Variants in AGBL4 observed in about 807,000 individuals in gnomAD.
AGBL4 encodes cytosolic carboxypeptidase 6.
Under a neutral mutation model 66.4 loss-of-function variants are expected in AGBL4, and 58 were observed. The observed-to-expected ratio is 0.87, with a 90% CI of 0.71 to 1.09. The LOEUF is 1.09. AGBL4 is among the 50% of genes least tolerant of loss of function. The pLI is 0.00. For missense variants in AGBL4, 579 were observed against 631.0 expected, an observed-to-expected ratio of 0.92 and a Z score of 0.88; for synonymous variants, 234 against 222.9, an observed-to-expected ratio of 1.05 and a Z score of -0.44.
intron 6 of AGBL4, chr1:48,742,917 G>C (rs1208118475): frequency 1.4e-6 from 1 of 703,734 alleles, no homozygotes; most frequent in African/African-American, 1.8e-5. Flanking sequence ...ACCCAGACTC[G>C]AAAATAATGT....
intron 4 of AGBL4, among the ~76,000 whole-genome samples, chr1:49,219,693 T>C (rs1649350109): frequency 6.6e-6 from 1 of 152,182 alleles, no homozygotes; most frequent in South Asian, 2.1e-4. Flanking sequence ...GTGACCATAT[T>C]GAAAGAGCAG....
intron 9 of AGBL4, among the ~76,000 whole-genome samples, chr1:48,616,645 G>A (rs1438327215): frequency 1.3e-5 from 2 of 152,226 alleles, no homozygotes; most frequent in Non-Finnish European, 2.9e-5. Flanking sequence ...TGAGCATTAA[G>A]TGAGATAATG....
At chr1:48,793,453 C>T (rs540263764) in intron 6 of AGBL4, among the ~76,000 whole-genome samples, 1 of 152,292 alleles carries the variant, frequency 6.6e-6, no homozygotes, top group African/African-American at 2.4e-5. Flanking sequence ...CAGGTACTTC[C>T]TGAAATACCT....
chr1:49,522,271 T>G (rs1650324073), intron 3 of AGBL4, among the ~76,000 whole-genome samples: 1 of 152,078 alleles, frequency 6.6e-6, no homozygotes, highest in Admixed American at 6.6e-5. Flanking sequence ...TGAGCCTTAG[T>G]TTTCTTATGA....
At chr1:48,834,996 G>T (rs919695078) in intron 6 of AGBL4, among the ~76,000 whole-genome samples, 9 of 152,086 alleles carry the variant, frequency 5.9e-5, no homozygotes, top group Admixed American at 2.6e-4. Context: ...AGTGATTGAG[G>T]TTTCAAACAA....
At chr1:49,565,672 C>T (rs1437687585) in intron 3 of AGBL4, among the ~76,000 whole-genome samples, 3 of 152,126 alleles carry the variant, frequency 2.0e-5, no homozygotes, top group East Asian at 1.9e-4. Flanking sequence ...CCGAGAGATC[C>T]GCTGTTAGTC....
chr1:49,180,333 TACTA>T (rs2148184855), intron 4 of AGBL4, among the ~76,000 whole-genome samples: 1 of 152,284 alleles, frequency 6.6e-6, no homozygotes, highest in African/African-American at 2.4e-5. Context: ...AATTTCTTAA[TACTA>T]AATAAATATT....
At chr1:49,134,446 A>ATTTTGGCT (rs1645964563) in intron 4 of AGBL4, among the ~76,000 whole-genome samples, 1 of 149,836 alleles carries the variant, frequency 6.7e-6, no homozygotes, top group Admixed American at 6.7e-5. Flanking sequence ...TGCATAAGGC[A>ATTTTGGCT]GACACTCCCA....
At chr1:49,744,717 G>A (rs1196721232) in intron 2 of AGBL4, among the ~76,000 whole-genome samples, 1 of 151,952 alleles carries the variant, frequency 6.6e-6, no homozygotes, top group Non-Finnish European at 1.5e-5. Flanking sequence ...ACAAAAAGCA[G>A]TAAGTATAAA....
chr1:49,572,935 A>G (rs1320637766), intron 3 of AGBL4, among the ~76,000 whole-genome samples: 1 of 152,038 alleles, frequency 6.6e-6, no homozygotes, highest in East Asian at 1.9e-4. Flanking sequence ...TGAAAGGGAG[A>G]TTCTGGCCTA....
intron 2 of AGBL4, among the ~76,000 whole-genome samples, chr1:49,731,865 T>C (rs538892879): frequency 6.6e-6 from 1 of 152,292 alleles, no homozygotes; most frequent in Non-Finnish European, 1.5e-5. Context: ...GAATAGTTTC[T>C]TAAAGGTATA....
At chr1:48,561,648 C>G (rs1250808778) in intron 11 of AGBL4, among the ~76,000 whole-genome samples, 1 of 152,206 alleles carries the variant, frequency 6.6e-6, no homozygotes. Flanking sequence ...GGGCCTCATC[C>G]AATCAGTTGA....
chr1:49,572,476 T>A (rs541868510), intron 3 of AGBL4, among the ~76,000 whole-genome samples: 2 of 152,226 alleles, frequency 1.3e-5, no homozygotes, highest in Non-Finnish European at 2.9e-5. Context: ...GCCTGCAGTT[T>A]ACCAATTTGT....
intron 4 of AGBL4, among the ~76,000 whole-genome samples, chr1:49,187,075 A>T (rs1281886909): frequency 6.6e-6 from 1 of 152,212 alleles, no homozygotes; most frequent in Admixed American, 6.5e-5. Flanking sequence ...GCATTCATAA[A>T]AGGTATGAAT....
At chr1:49,183,142 T>C (rs1646957888) in intron 4 of AGBL4, among the ~76,000 whole-genome samples, 9 of 152,176 alleles carry the variant, frequency 5.9e-5, no homozygotes, top group Admixed American at 5.2e-4. Flanking sequence ...GAAGATGATG[T>C]TTTTCCTTAT....
At chr1:48,589,050 TGGACTA>T (rs1444669858) in intron 10 of AGBL4, among the ~76,000 whole-genome samples, 1 of 152,144 alleles carries the variant, frequency 6.6e-6, no homozygotes, top group Non-Finnish European at 1.5e-5. Flanking sequence ...CCAGGGAACT[TGGACTA>T]AGGAGGCCAC....
intron 3 of AGBL4, among the ~76,000 whole-genome samples, chr1:49,343,615 A>G (rs1490738294): frequency 6.6e-6 from 1 of 152,212 alleles, no homozygotes; most frequent in Non-Finnish European, 1.5e-5. Flanking sequence ...AGTAAAACGC[A>G]TGATAAAAGC....
chr1:49,612,073 A>G (rs924544443), intron 3 of AGBL4, among the ~76,000 whole-genome samples: 1 of 152,246 alleles, frequency 6.6e-6, no homozygotes, highest in African/African-American at 2.4e-5. Context: ...TAGGTTAACA[A>G]ACTTACTTCA....
At chr1:49,563,772 T>C (rs1480241384) in intron 3 of AGBL4, among the ~76,000 whole-genome samples, 7 of 152,276 alleles carry the variant, frequency 4.6e-5, no homozygotes, top group Non-Finnish European at 8.8e-5. Flanking sequence ...AAAATTCTCT[T>C]TTTTTGTTGT....
Sources: gnomAD v4.1 joint callset for allele counts (sites outside exome capture counted in the v4.1 genomes callset) on GRCh38, gnomAD v4.1.1 for gene constraint, MANE v1.5 for transcripts, NCBI Gene and HGNC (gene_info 2026-07-23, HGNC 2026-07-21) for gene names.